Variants in PAPOLG observed in about 807,000 individuals in gnomAD.
PAPOLG encodes the protein PAP-gamma.
In PAPOLG, 40 loss-of-function variants were observed where a neutral mutation model predicts 99.0. That is an observed-to-expected ratio of 0.40 (90% CI 0.31 to 0.53). The LOEUF is 0.53. Among genes scored for constraint, PAPOLG ranks in the 20% least tolerant of loss-of-function variants. The pLI, the probability that PAPOLG is intolerant of heterozygous loss-of-function variation, is 0.41. For synonymous variants in PAPOLG, 310 were observed against 299.3 expected (o/e 1.04, Z -0.37); for missense variants, 675 against 884.1 (o/e 0.76, Z 3.00).
intron 3 of PAPOLG, among the ~76,000 whole-genome samples, chr2:60,766,046 A>G (rs577863368): frequency 1.2e-4 from 18 of 152,382 alleles, no homozygotes; most frequent in Non-Finnish European, 5.9e-5. Context: ...ATTAACAAGG[A>G]TAATATCCTA....
chr2:60,776,831 A>C (rs931842699), intron 8 of PAPOLG, among the ~76,000 whole-genome samples: 2 of 152,186 alleles, frequency 1.3e-5, no homozygotes, highest in African/African-American at 4.8e-5. Flanking sequence ...TGAAAGTCCT[A>C]GATGGCATCT....
At chr2:60,767,345 CTT>C (rs529844444) in intron 3 of PAPOLG, among the ~76,000 whole-genome samples, 50 of 138,208 alleles carry the variant, frequency 3.6e-4, no homozygotes, top group Non-Finnish European at 4.6e-4. Context: ...CTTTTTCTTT[CTT>C]TTTTTTTTTT....
In PAPOLG at chr2:60,781,981, G is replaced by A. The variant is rs772801679; in HGVS notation, c.1003G>A (p.Val335Ile). ...TYNVSTSTRT[V>I]MVEEFKQGLA... ...TAATGTGTCCACATCAACTCGAACA[G>A]TAATGGTAGAAGAATTTAAACAAGG... The change falls in exon 11 of 22, where the codon GTA becomes ATA. Residue 335 changes from valine to isoleucine, a missense_variant. This residue lies in a region of PAPOLG where 113 missense variants were observed against 231.5 expected (regional missense o/e 0.49). Coordinates refer to ENST00000238714, the MANE Select transcript of PAPOLG (RefSeq NM_022894.4). The A allele has an allele frequency of 6.2e-7, 1 of 1,613,886 alleles. No homozygotes were observed. The highest frequency in any genetic ancestry group is 8.5e-7 in the Non-Finnish European group (1 of 1,179,878).
chr2:60,797,011 T>C lies in PAPOLG; in HGVS notation c.2113-51T>C, dbSNP rs191342206. ...GACTGACTTTCTAGCTGGGCCTTTA[T>C]AATATATATGATGTGCTTTTCCTTT... On this transcript the variant is annotated intron_variant, in intron 21 of 21. Transcript: ENST00000238714. 13 of 1,604,240 alleles carry C rather than the reference T, an allele frequency of 8.1e-6. No individual in the cohort carries two copies. In the African/African-American group the frequency reaches 1.2e-4, roughly 15 times the overall value.
At chr2:60,794,833 A>C in intron 20 of PAPOLG, 58 bp downstream of exon 20, 1 of 1,540,808 alleles carries the variant, frequency 6.5e-7, no homozygotes, top group Non-Finnish European at 9.0e-7. Context: ...TGTATCAGGA[A>C]AAGTGCCATA....
At chr2:60,782,579 C>G (rs1186708844) in intron 11 of PAPOLG, 107 bp from the exon 12 acceptor site, 8 of 1,342,626 alleles carry the variant, frequency 6.0e-6, no homozygotes, top group Non-Finnish European at 7.7e-6. Context: ...AAAAAAATTT[C>G]GTCTGGTGGA....
At position 60,794,036 on chromosome 2, in the gene PAPOLG, C is replaced by G; in HGVS notation, c.1834C>G (p.Arg612Gly). Residue 612 changes from arginine to glycine, a missense_variant, in exon 19 of 22, where the codon CGA (arginine) becomes GGA (glycine). Arg to Gly is a moderately radical substitution (Grantham distance 125, BLOSUM62 -2). Coordinates refer to ENST00000238714, the MANE Select transcript of PAPOLG (RefSeq NM_022894.4). ...TVCTIPTVVG[R>G]NVIPRITTPH... The stretch of plus-strand genomic sequence containing the variant: ...GTGTACCATTCCTACCGTAGTAGGA[C>G]GAAATGTCATTCCTAGAATCACAAC... 2 of 1,613,874 alleles carry G rather than the reference C, an allele frequency of 1.2e-6. No homozygotes were observed. Among genetic ancestry groups the G allele is most frequent in the Non-Finnish European group, 1.7e-6 (2 of 1,179,788 alleles).
rs1236523378 is a variant in PAPOLG, at chr2:60,794,971, T to G, written c.2063T>G (p.Ile688Ser). 3 of 1,613,230 alleles carry G rather than the reference T, an allele frequency of 1.9e-6. No homozygotes were observed. The highest frequency in any genetic ancestry group is 1.1e-5 in the South Asian group (1 of 91,038). ...TGATTCTTCTGTTTTTAGGATGCCATTGGAGGAGAATCTATGCCTATTCCA... is the reference window on the plus strand; with the variant it reads ...TGATTCTTCTGTTTTTAGGATGCCAGTGGAGGAGAATCTATGCCTATTCCA... ...EERKRKSVDA[I>S]GGESMPIPTI... is the part of the protein sequence containing the mutation. Residue 688 changes from isoleucine (I) to serine (S), a missense_variant, in exon 21 of 22, where the codon ATT becomes AGT. Physicochemically the swap from Ile to Ser is moderately radical, Grantham distance 142. Transcript: ENST00000238714.
chr2:60,760,027 A>G (rs529625797), intron 1 of PAPOLG, 107 bp from the exon 2 acceptor site: 7 of 1,167,078 alleles, frequency 6.0e-6, no homozygotes, highest in Non-Finnish European at 8.5e-6. Context: ...ATTACTAAGT[A>G]AACTTTTAAG....
At chr2:60,772,502 A>G (rs1670885082) in intron 7 of PAPOLG, among the ~76,000 whole-genome samples, 1 of 151,518 alleles carries the variant, frequency 6.6e-6, no homozygotes, top group South Asian at 2.1e-4. Context: ...TAATCCCAGC[A>G]CTTTGGCAGG....
In PAPOLG at chr2:60,791,777, CAA is replaced by C; in HGVS notation, c.1414_1415del (p.Asn472TyrfsTer11). 1 of 1,607,422 alleles carries C rather than the reference CAA, an allele frequency of 6.2e-7. No homozygotes were observed. The highest frequency in any genetic ancestry group is 8.5e-7 in the Non-Finnish European group (1 of 1,177,164). ...TTGTTACAGTGTACAGACAGGCAAA[CAA>C]TATAAATATGCTAAAGGAGGGAATG... ...FTDTVYRQANNINMLKEGMKI... is the reference protein window; with the variant it reads ...FTDTVYRQANXINMLKEGMKI... On this transcript the variant is annotated frameshift_variant, in exon 16 of 22. Transcript: ENST00000238714. LOFTEE classifies it high-confidence loss of function.
intron 1 of PAPOLG, among the ~76,000 whole-genome samples, chr2:60,758,096 G>C (rs575764145): frequency 6.6e-6 from 1 of 152,200 alleles, no homozygotes; most frequent in African/African-American, 2.4e-5. Context: ...GGATTATTGC[G>C]ATTGAGTGAT....
intron 19 of PAPOLG, 23 bp downstream of exon 19, chr2:60,794,214 A>G (rs11125855): frequency 0.47 from 747,563 of 1,591,694 alleles, 180,421 homozygotes; most frequent in Middle Eastern, 0.57. Context: ...CTTTAGTGGT[A>G]ATTCAGTAGT....
At chr2:60,780,344 C>T (rs1671151682) in intron 9 of PAPOLG, among the ~76,000 whole-genome samples, 1 of 150,596 alleles carries the variant, frequency 6.6e-6, no homozygotes, top group Non-Finnish European at 1.5e-5. Context: ...GCATGCATCT[C>T]AGCTCACTGC....
chr2:60,796,433 C>T (rs117120724), intron 21 of PAPOLG, among the ~76,000 whole-genome samples: 1,911 of 152,022 alleles, frequency 0.013, 66 homozygotes, highest in Admixed American at 0.073. Context: ...ACCACCATGC[C>T]CGGCCCTAGA....
chr2:60,768,542 C>A lies in PAPOLG; in HGVS notation c.319C>A (p.His107Asn). ...ATTTGGATCCTATAGGCTTGGAGTA[C>A]ACACCAAAGGTAACTGCTTTTCTGT... is the stretch of plus-strand genomic sequence containing the variant. ...FTFGSYRLGV[H>N]TKGADIDALC... Residue 107 changes from histidine to asparagine, a missense_variant, in exon 4 of 22, where the codon CAC (histidine) becomes AAC (asparagine). His to Asn is a moderately conservative substitution (Grantham distance 68, BLOSUM62 1). Coordinates refer to ENST00000238714, the MANE Select transcript of PAPOLG (RefSeq NM_022894.4). 6.2e-7 allele frequency: 1 copy of A among 1,603,434 alleles called. No individual in the cohort carries two copies. Among genetic ancestry groups the A allele is most frequent in the East Asian group, 2.2e-5 (1 of 44,806 alleles).
At position 60,771,506 on chromosome 2, in the gene PAPOLG, C is replaced by T; in HGVS notation, c.493-13C>T. ...AATGTAATTTTTTTCTCTTTTTTCACATCTTTCCAAAGATTGATCTAGTCT... is the reference window on the plus strand; with the variant it reads ...AATGTAATTTTTTTCTCTTTTTTCATATCTTTCCAAAGATTGATCTAGTCT... On this transcript the variant is annotated splice_polypyrimidine_tract_variant and intron_variant, in intron 6 of 21. Coordinates refer to ENST00000238714, the MANE Select transcript of PAPOLG (RefSeq NM_022894.4). 1 of 1,564,774 alleles carries T rather than the reference C, an allele frequency of 6.4e-7. No homozygotes were observed. The highest frequency in any genetic ancestry group is 8.6e-7 in the Non-Finnish European group (1 of 1,163,450).
chr2:60,792,523 T>C (rs1671572256), intron 17 of PAPOLG, among the ~76,000 whole-genome samples: 1 of 152,228 alleles, frequency 6.6e-6, no homozygotes, highest in Non-Finnish European at 1.5e-5. Flanking sequence ...CATTTGTTGC[T>C]TAAATTTTTC....
rs35448159 is a variant in PAPOLG, at chr2:60,796,209, T to G, written c.2113-853T>G. ...TACAGAAGTCTAGATTTTGCCTTCC[T>G]TTTTTTTTTTTTTTTTTTTTTTTTT... is the stretch of plus-strand genomic sequence containing the variant. On this transcript the variant is annotated intron_variant, in intron 21 of 21. Transcript: ENST00000238714. Among the ~76,000 whole-genome samples the G allele has an allele frequency of 5.5e-5, 4 of 72,888 alleles. No homozygotes were observed. The East Asian group carries it at 1.0e-3, about 18-fold the overall frequency. The allele number at this position is 72,888 out of a possible 152,430, so 47.8% of individuals were successfully genotyped here.
Sources: allele counts gnomAD v4.1 joint callset (sites outside exome capture counted in the v4.1 genomes callset), GRCh38; gene constraint gnomAD v4.1.1; regional missense constraint gnomAD v4.1.1; transcripts MANE v1.5; gene names NCBI Gene and HGNC (gene_info 2026-07-23, HGNC 2026-07-21).